The following YTHDC2 variants were observed in gnomAD, a reference collection of about 807,000 sequenced individuals.
YTHDC2 encodes YTH N6-methyladenosine RNA binding protein C2, also known as 3'-5' RNA helicase YTHDC2.
In YTHDC2, 45 loss-of-function variants were observed where a neutral mutation model predicts 174.9. The ratio of observed to expected loss-of-function variants is 0.26; its 90% CI spans 0.20 to 0.33. The LOEUF is 0.33. YTHDC2 is among the 10% of genes least tolerant of loss of function. The pLI, the probability that YTHDC2 is intolerant of heterozygous loss-of-function variation, is 1.00. For missense variants in YTHDC2, 1,650 were observed against 1,723.7 expected (o/e 0.96, Z 0.76); for synonymous variants, 657 against 574.5 (o/e 1.14, Z -2.05).
intron 10 of YTHDC2, 62 bp from the exon 11 acceptor site, chr5:113,548,479 G>T (rs1475935526): frequency 2.7e-6 from 4 of 1,489,162 alleles, no homozygotes; most frequent in Admixed American, 2.3e-5. Context: ...ATTTTTTAAA[G>T]AATGAAAATG....
At chr5:113,527,494 T>C (rs1477958622) in intron 4 of YTHDC2, among the ~76,000 whole-genome samples, 1 of 152,182 alleles carries the variant, frequency 6.6e-6, no homozygotes, top group African/African-American at 2.4e-5. Flanking sequence ...GAGGTTCAGA[T>C]AAAATAATAA....
chr5:113,531,235 C>T (rs1774639617), intron 4 of YTHDC2, among the ~76,000 whole-genome samples: 1 of 152,160 alleles, frequency 6.6e-6, no homozygotes, highest in African/African-American at 2.4e-5. Context: ...CAGATCCTGA[C>T]CCAGTGATGG....
chr5:113,549,394 G>T (rs1023164857), intron 12 of YTHDC2, among the ~76,000 whole-genome samples: 1 of 152,116 alleles, frequency 6.6e-6, no homozygotes, highest in Non-Finnish European at 1.5e-5. Flanking sequence ...TTAATTTTGG[G>T]ATGATAGATA....
chr5:113,581,851 A>G (rs1233357527), intron 25 of YTHDC2, 142 bp downstream of exon 25: 2 of 699,792 alleles, frequency 2.9e-6, no homozygotes, highest in South Asian at 4.5e-5. Context: ...AATAAAGTGG[A>G]AAGAGTTTTC....
At chr5:113,571,355 A>G (rs1199956316) in intron 23 of YTHDC2, among the ~76,000 whole-genome samples, 2 of 152,196 alleles carry the variant, frequency 1.3e-5, no homozygotes, top group African/African-American at 2.4e-5. Flanking sequence ...ACAAGCATTT[A>G]GATGTGCTGC....
chr5:113,586,869 C>A (rs192028841), intron 26 of YTHDC2, among the ~76,000 whole-genome samples: 3,305 of 136,576 alleles, frequency 0.024, 106 homozygotes, highest in East Asian at 0.067. Flanking sequence ...CTCTCTCTCT[C>A]TCTCTATATA....
intron 2 of YTHDC2, among the ~76,000 whole-genome samples, chr5:113,522,534 A>T (rs946422330): frequency 6.6e-6 from 1 of 152,136 alleles, no homozygotes. Flanking sequence ...CCTTTTATTT[A>T]AAAAACTCTT....
In YTHDC2 at chr5:113,581,611, T is replaced by G; in HGVS notation, c.3549T>G (p.Ser1183=). The change falls in exon 25 of 30, where the codon TCT becomes TCG. Residue 1183 remains serine, a synonymous_variant. Transcript: ENST00000161863. ...TTGGCCAAAGGCCAAGGCCTATGTC[T>G]TCAGAAGAGCTTCCTTTGGCCTCAT... ...SGIGQRPRPM[S]SEELPLASSW... The G allele has an allele frequency of 6.2e-7, 1 of 1,613,900 alleles. No individual in the cohort carries two copies. The highest frequency in any genetic ancestry group is 8.5e-7 in the Non-Finnish European group (1 of 1,179,904).
intron 8 of YTHDC2, 127 bp from the exon 9 acceptor site, chr5:113,540,841 A>G (rs10035297): frequency 0.043 from 34,136 of 793,820 alleles, 1,610 homozygotes; most frequent in African/African-American, 0.19. Context: ...TATATTTTTT[A>G]AAAGTAACTA....
At chr5:113,585,244 T>A (rs1230865736) in intron 26 of YTHDC2, among the ~76,000 whole-genome samples, 2 of 152,090 alleles carry the variant, frequency 1.3e-5, no homozygotes, top group Non-Finnish European at 2.9e-5. Context: ...GTAGGAGATG[T>A]TGATAAGAAA....
At chr5:113,549,578 C>T (rs1310306096) in intron 12 of YTHDC2, among the ~76,000 whole-genome samples, 2 of 152,040 alleles carry the variant, frequency 1.3e-5, no homozygotes, top group Non-Finnish European at 2.9e-5. Context: ...AAAGATATTG[C>T]ATTCATGCAA....
chr5:113,542,357 G>GT lies in YTHDC2; in HGVS notation c.1360-5dup, dbSNP rs1472508785. ...TTTATGATAATTTATGATTTTTACT[G>GT]TTTTTTGTAGACTGAAAAAGATGTG... On this transcript the variant is annotated splice_polypyrimidine_tract_variant and intron_variant, in intron 9 of 29. Transcript: ENST00000161863. 6.2e-7 allele frequency: 1 copy of GT among 1,602,792 alleles called. No homozygotes were observed. The highest frequency in any genetic ancestry group is 1.7e-4 in the Middle Eastern group (1 of 6,034).
intron 2 of YTHDC2, 124 bp downstream of exon 2, chr5:113,515,486 T>C (rs1773353955): frequency 6.3e-6 from 5 of 790,594 alleles, no homozygotes; most frequent in Non-Finnish European, 1.0e-5. Flanking sequence ...TTGTATCATA[T>C]GTAGATAAAA....
At chr5:113,593,155 A>T (rs1236444362) in intron 28 of YTHDC2, 148 bp from the exon 29 acceptor site, 1 of 560,760 alleles carries the variant, frequency 1.8e-6, no homozygotes, top group Non-Finnish European at 3.1e-6. Context: ...AAGAATTAGA[A>T]CAATTCATAC....
At chr5:113,552,627 A>G (rs1776324271) in intron 12 of YTHDC2, among the ~76,000 whole-genome samples, 1 of 152,146 alleles carries the variant, frequency 6.6e-6, no homozygotes. Context: ...ATATTTGTGT[A>G]CAGATTTTTA....
intron 2 of YTHDC2, among the ~76,000 whole-genome samples, chr5:113,515,730 A>C (rs900195899): frequency 9.2e-5 from 14 of 152,236 alleles, no homozygotes; most frequent in Non-Finnish European, 1.5e-5. Context: ...TAGTAACTCA[A>C]ACATGGGGCT....
At chr5:113,583,159 A>G (rs1211800594) in intron 25 of YTHDC2, 19 of 152,180 alleles carry the variant, frequency 1.2e-4, no homozygotes, top group Admixed American at 1.2e-3. Context: ...GGAATCAATA[A>G]TTTGAGACAA....
chr5:113,554,043 GT>G, intron 16 of YTHDC2, 21 bp downstream of exon 16: 3 of 1,477,310 alleles, frequency 2.0e-6, no homozygotes, highest in Non-Finnish European at 2.7e-6. Context: ...GTAAGTTGTA[GT>G]TTTACTTAAA....
In YTHDC2 at chr5:113,549,897, T is replaced by G. The variant is rs146919219; in HGVS notation, c.1688+877T>G. Reference sequence around the variant, plus strand: ...GATGTAGTAGATGTGCAGTGAGTGTTTGTTGAATGAATGAATAAATAAATA... The same window carrying G: ...GATGTAGTAGATGTGCAGTGAGTGTGTGTTGAATGAATGAATAAATAAATA... On this transcript the variant is annotated intron_variant, in intron 12 of 29. Transcript: ENST00000161863. 1.9e-3 allele frequency among the ~76,000 whole-genome samples: 283 copies of G among 151,694 alleles called. 2 individuals are homozygous for G. The highest frequency in any genetic ancestry group is 6.5e-3 in the African/African-American group (270 of 41,294).
Sources: allele counts gnomAD v4.1 joint callset (sites outside exome capture counted in the v4.1 genomes callset), GRCh38; gene constraint gnomAD v4.1.1; transcripts MANE v1.5; gene names NCBI Gene and HGNC (gene_info 2026-07-23, HGNC 2026-07-21).